ODAD2: variants seen among roughly 807,000 people sequenced by gnomAD.
The protein encoded by ODAD2 is outer dynein arm-docking complex subunit 2.
ODAD2 carries 89 observed loss-of-function variants against 106.8 expected under a neutral mutation model. That is an observed-to-expected ratio of 0.83 (90% CI 0.70 to 0.99). The LOEUF (loss-of-function observed/expected upper bound fraction) is 0.99. Ranked by LOEUF, ODAD2 falls within the 50% of genes least tolerant of loss-of-function variation. ODAD2 has a pLI of 0.00. For synonymous variants in ODAD2, 404 were observed against 436.2 expected (o/e 0.93, Z 0.92); for missense variants, 1,168 against 1,238.5 (o/e 0.94, Z 0.85).
At chr10:27,885,565 T>A (rs1218269314) in intron 17 of ODAD2, among the ~76,000 whole-genome samples, 1 of 40,390 alleles carries the variant, frequency 2.5e-5, no homozygotes, top group Non-Finnish European at 4.6e-5. Flanking sequence ...TAAATATAAA[T>A]ATATATATAT....
At chr10:27,934,551 A>AG in intron 16 of ODAD2, among the ~76,000 whole-genome samples, 1 of 151,966 alleles carries the variant, frequency 6.6e-6, no homozygotes, top group Non-Finnish European at 1.5e-5. Context: ...TAATTAGACA[A>AG]TAAGGAGCAA....
chr10:27,946,610 G>A (rs993521646), intron 10 of ODAD2, among the ~76,000 whole-genome samples: 4 of 151,886 alleles, frequency 2.6e-5, no homozygotes, highest in Admixed American at 1.3e-4. Context: ...ACTACAATAG[G>A]GAACTTGAAC....
chr10:27,815,328 T>C (rs993184318), intron 19 of ODAD2, among the ~76,000 whole-genome samples: 1 of 152,132 alleles, frequency 6.6e-6, no homozygotes, highest in Non-Finnish European at 1.5e-5. Flanking sequence ...ACATTAAAAA[T>C]AAAACAAAAC....
At chr10:27,839,687 G>A (rs1289451508) in intron 19 of ODAD2, among the ~76,000 whole-genome samples, 2 of 152,164 alleles carry the variant, frequency 1.3e-5, no homozygotes, top group Non-Finnish European at 2.9e-5. Context: ...ATAAAGTTGG[G>A]AGCCAACAGC....
intron 19 of ODAD2, among the ~76,000 whole-genome samples, chr10:27,855,940 G>C (rs1333789502): frequency 2.0e-5 from 3 of 152,136 alleles, no homozygotes; most frequent in Non-Finnish European, 4.4e-5. Context: ...GACACCATGG[G>C]GAAAGAAGCT....
intron 16 of ODAD2, among the ~76,000 whole-genome samples, chr10:27,922,672 G>A (rs780037655): frequency 2.6e-5 from 4 of 152,054 alleles, no homozygotes; most frequent in Non-Finnish European, 5.9e-5. Context: ...TTGGAAGGCC[G>A]AGGTGGGTGG....
At chr10:27,821,385 T>C (rs914057345) in intron 19 of ODAD2, among the ~76,000 whole-genome samples, 19 of 152,250 alleles carry the variant, frequency 1.2e-4, no homozygotes, top group Admixed American at 2.6e-4. Context: ...AATAAGGTTA[T>C]GTTACTGTCC....
intron 2 of ODAD2, among the ~76,000 whole-genome samples, chr10:27,990,700 T>A (rs1479633995): frequency 6.6e-6 from 1 of 152,160 alleles, no homozygotes; most frequent in African/African-American, 2.4e-5. Flanking sequence ...ACCTTAGAGA[T>A]CATGTAAATT....
At chr10:27,880,466 CTT>C (rs1841627552) in intron 17 of ODAD2, among the ~76,000 whole-genome samples, 1 of 152,184 alleles carries the variant, frequency 6.6e-6, no homozygotes, top group African/African-American at 2.4e-5. Context: ...GTTTTTAAAA[CTT>C]CCTAAGTTCA....
chr10:27,866,524 T>C (rs1840448853), intron 17 of ODAD2, among the ~76,000 whole-genome samples: 1 of 152,192 alleles, frequency 6.6e-6, no homozygotes, highest in African/African-American at 2.4e-5. Flanking sequence ...TATGAAGGGA[T>C]ACTTTATAAA....
intron 19 of ODAD2, among the ~76,000 whole-genome samples, chr10:27,850,171 G>A (rs529221403): frequency 2.0e-5 from 3 of 152,154 alleles, no homozygotes; most frequent in Admixed American, 6.5e-5. Context: ...TTTGCTGGGC[G>A]TGGCGGCTCA....
At chr10:27,885,425 G>A (rs1842006911) in intron 17 of ODAD2, among the ~76,000 whole-genome samples, 1 of 137,422 alleles carries the variant, frequency 7.3e-6, no homozygotes, top group East Asian at 2.1e-4. Context: ...CAGGAGAACG[G>A]CTTGAACCTG....
intron 10 of ODAD2, among the ~76,000 whole-genome samples, chr10:27,960,890 C>T (rs1848090262): frequency 1.3e-5 from 2 of 152,160 alleles, no homozygotes; most frequent in African/African-American, 4.8e-5. Context: ...ATCATCAATA[C>T]TTAATATCTG....
chr10:27,923,997 AGAAAGAAAGAAAGAAAGAAAGAAAGAAG>A lies in ODAD2; in HGVS notation c.2495+10985_2495+11012del, dbSNP rs1564509012. Among the ~76,000 whole-genome samples, 27 of 141,962 alleles carry A rather than the reference AGAAAGAAAGAAAGAAAGAAAGAAAGAAG, an allele frequency of 1.9e-4. 1 individual carries two copies. Among genetic ancestry groups the A allele is most frequent in the African/African-American group, 7.2e-4 (27 of 37,328 alleles). The allele number at this position is 141,962 out of a possible 152,430, so 93.1% of individuals were successfully genotyped here. On this transcript the variant is annotated intron_variant, in intron 16 of 19. Coordinates refer to ENST00000305242, the MANE Select transcript of ODAD2 (RefSeq NM_018076.5). ...AAGAAAGAAAGAAAGAAAGAAAGAA[AGAAAGAAAGAAAGAAAGAAAGAAAGAAG>A]GAAAGAGAAAGAAAGAAGGAAAGAG... is the stretch of plus-strand genomic sequence containing the variant.
chr10:27,979,894 C>T (rs1395492973), intron 7 of ODAD2, among the ~76,000 whole-genome samples: 6 of 152,018 alleles, frequency 3.9e-5, no homozygotes, highest in South Asian at 4.1e-4. Context: ...CAAGGAATAC[C>T]GAATAGCCAA....
intron 17 of ODAD2, among the ~76,000 whole-genome samples, chr10:27,862,972 G>A (rs1840162641): frequency 6.6e-6 from 1 of 152,134 alleles, no homozygotes; most frequent in African/African-American, 2.4e-5. Context: ...TAAAGTAATT[G>A]CAAACACTGA....
chr10:27,812,372 G>T lies in ODAD2; in HGVS notation c.*140C>A, dbSNP rs1835807089. 2.8e-6 allele frequency: 2 copies of T among 712,304 alleles called. No homozygotes were observed. Among genetic ancestry groups the T allele is most frequent in the East Asian group, 6.2e-5 (2 of 32,178 alleles). 44.1% of individuals were successfully genotyped at this position (712,304 alleles called of 1,614,324 possible). A position where few individuals can be genotyped will look rare whatever the true frequency, so the allele number is the denominator to read the frequency against. ...AATTTTCAGATGAAAAACATTCTGT[G>T]CATTTTCAATTTGTGTGTTTTCATT... On this transcript the variant is annotated 3_prime_UTR_variant, in exon 20 of 20. Transcript: ENST00000305242.
At chr10:27,988,483 C>T (rs1359887030) in intron 2 of ODAD2, among the ~76,000 whole-genome samples, 2 of 151,826 alleles carry the variant, frequency 1.3e-5, no homozygotes, top group Non-Finnish European at 2.9e-5. Context: ...ACTAGAGGCA[C>T]ATGCCACCAT....
At chr10:27,854,875 C>T (rs10763629) in intron 19 of ODAD2, among the ~76,000 whole-genome samples, 83,245 of 151,968 alleles carry the variant, frequency 0.55, 24,109 homozygotes, top group Middle Eastern at 0.68. Context: ...TGAATTAATA[C>T]GAAAATAAGT....
Sources: gnomAD v4.1 joint callset for allele counts (sites outside exome capture counted in the v4.1 genomes callset) on GRCh38, gnomAD v4.1.1 for gene constraint, MANE v1.5 for transcripts, NCBI Gene and HGNC (gene_info 2026-07-23, HGNC 2026-07-21) for gene names.